The following RABGAP1L variants were observed in gnomAD, a reference collection of about 807,000 sequenced individuals.
The protein encoded by RABGAP1L is rab GTPase-activating protein 1-like.
In RABGAP1L, 63 loss-of-function variants were observed where a neutral mutation model predicts 137.7. That is an observed-to-expected ratio of 0.46 (90% CI 0.37 to 0.56). The LOEUF (loss-of-function observed/expected upper bound fraction) is 0.56. RABGAP1L is among the 20% of genes least tolerant of loss of function. The probability of loss-of-function intolerance (pLI) is 0.00; values close to 1 mark genes in which losing one functional copy is unlikely to be tolerated. For missense variants in RABGAP1L, 1,095 were observed against 1,244.0 expected (o/e 0.88, Z 1.80); for synonymous variants, 431 against 433.7 (o/e 0.99, Z 0.08).
In RABGAP1L at chr1:174,664,195, T is replaced by A. The variant is rs2148427779; in HGVS notation, c.1825-19327T>A. Among the ~76,000 whole-genome samples the A allele has an allele frequency of 1.3e-5, 2 of 152,334 alleles. 1 individual carries two copies. The highest frequency in any genetic ancestry group is 4.1e-4 in the South Asian group (2 of 4,830). On this transcript the variant is annotated intron_variant, in intron 14 of 25. Coordinates refer to ENST00000681986, the MANE Select transcript of RABGAP1L (RefSeq NM_001366446.1). ...GTCTATTATCCCCTAGGTGTAGTAA[T>A]TCAGTGTTTGCTTATTCAGTGTTGG...
intron 14 of RABGAP1L, among the ~76,000 whole-genome samples, chr1:174,639,596 T>C (rs6689170): frequency 0.59 from 90,250 of 151,828 alleles, 29,734 homozygotes; most frequent in African/African-American, 0.9. Flanking sequence ...TGACTTTCCC[T>C]TCAGCTTTTC....
intron 19 of RABGAP1L, chr1:174,874,548 T>C: frequency 2.2e-6 from 2 of 895,236 alleles, no homozygotes; most frequent in Non-Finnish European, 2.7e-6. Context: ...ACCACAGCCC[T>C]TGATCTCAGG....
chr1:174,814,514 G>A (rs2148865691), intron 19 of RABGAP1L, among the ~76,000 whole-genome samples: 1 of 152,250 alleles, frequency 6.6e-6, no homozygotes, highest in East Asian at 1.9e-4. Context: ...CTGGGATTGT[G>A]CTGGGACTAG....
Position 174,159,524 on chromosome 1 carries a change from C to G in RABGAP1L, c.-167C>G, listed in dbSNP as rs1395924898. 6.6e-6 allele frequency: 1 copy of G among 152,320 alleles called. No individual in the cohort carries two copies. Among genetic ancestry groups the G allele is most frequent in the Non-Finnish European group, 1.5e-5 (1 of 68,106 alleles). The allele number at this position is 152,320 out of a possible 1,614,324, so 9.4% of individuals were successfully genotyped here. On this transcript the variant is annotated 5_prime_UTR_variant, in exon 1 of 26. Transcript: ENST00000681986. ...GCCCTTCTCCCCTCCCCTCTCAGTTCCCTCCGCCCTCCTCGGGCTCCAGCG... is the reference window on the plus strand; with the variant it reads ...GCCCTTCTCCCCTCCCCTCTCAGTTGCCTCCGCCCTCCTCGGGCTCCAGCG...
intron 1 of RABGAP1L, among the ~76,000 whole-genome samples, chr1:174,185,958 A>G (rs1666767831): frequency 6.6e-6 from 1 of 152,120 alleles, no homozygotes; most frequent in South Asian, 2.1e-4. Flanking sequence ...AGCCTGACCA[A>G]CATGGAGAAA....
chr1:174,257,729 C>G (rs766608521), intron 7 of RABGAP1L, among the ~76,000 whole-genome samples: 3 of 152,056 alleles, frequency 2.0e-5, no homozygotes, highest in African/African-American at 7.2e-5. Flanking sequence ...ACCAAAAACA[C>G]GAGTACACAT....
intron 1 of RABGAP1L, among the ~76,000 whole-genome samples, chr1:174,180,757 G>A (rs1422085787): frequency 6.6e-6 from 1 of 152,134 alleles, no homozygotes; most frequent in South Asian, 2.1e-4. Flanking sequence ...ATGAGCCACC[G>A]CATCTGGCCA....
chr1:174,892,727 TCTTTC>T, intron 19 of RABGAP1L: 1 of 467,504 alleles, frequency 2.1e-6, no homozygotes, highest in South Asian at 1.6e-5. Context: ...TTCTTTGTTT[TCTTTC>T]TTTTTTTTTT....
At position 174,415,987 on chromosome 1, in the gene RABGAP1L, T is replaced by C. The variant is rs1366083184; in HGVS notation, c.1710+21842T>C. Among the ~76,000 whole-genome samples, 5 of 147,300 alleles carry C rather than the reference T, an allele frequency of 3.4e-5. No homozygotes were observed. The Admixed American group carries it at 3.4e-4, about 10-fold the overall frequency. The stretch of plus-strand genomic sequence containing the variant: ...CATAAACTATACCAGAACCTTAAAT[T>C]AAGTACTTAAGGAATTTCCCTAGAA... On this transcript the variant is annotated intron_variant, in intron 13 of 25. Transcript: ENST00000681986.
At chr1:174,294,579 T>A (rs1185774799) in intron 10 of RABGAP1L, among the ~76,000 whole-genome samples, 1 of 152,186 alleles carries the variant, frequency 6.6e-6, no homozygotes, top group Non-Finnish European at 1.5e-5. Context: ...TCTGAATGAC[T>A]CTAGATTTTT....
At chr1:174,194,938 T>C (rs968457385) in intron 1 of RABGAP1L, among the ~76,000 whole-genome samples, 2 of 152,218 alleles carry the variant, frequency 1.3e-5, no homozygotes, top group East Asian at 3.8e-4. Context: ...ATGGTGTGAA[T>C]TGATTTTATT....
intron 11 of RABGAP1L, among the ~76,000 whole-genome samples, chr1:174,365,484 G>T (rs1347052713): frequency 6.6e-6 from 1 of 151,964 alleles, no homozygotes; most frequent in South Asian, 2.1e-4. Context: ...CAGTGTTGAG[G>T]CTTGCTGAGC....
chr1:174,814,132 A>G (rs993694522), intron 19 of RABGAP1L, among the ~76,000 whole-genome samples: 2 of 152,162 alleles, frequency 1.3e-5, no homozygotes, highest in Non-Finnish European at 2.9e-5. Context: ...GGGATCTGAG[A>G]GATGGAGAAG....
intron 19 of RABGAP1L, among the ~76,000 whole-genome samples, chr1:174,841,197 GA>G (rs1229584159): frequency 6.6e-6 from 1 of 152,010 alleles, no homozygotes; most frequent in East Asian, 1.9e-4. Context: ...TGAAAACTAA[GA>G]ATGTCAAATA....
intron 24 of RABGAP1L, among the ~76,000 whole-genome samples, chr1:174,987,895 C>T (rs1357789912): frequency 1.3e-5 from 2 of 152,082 alleles, no homozygotes; most frequent in Non-Finnish European, 2.9e-5. Context: ...CTGCAAGCTC[C>T]GCCTCCCGGG....
chr1:174,209,632 C>T (rs373756059), intron 1 of RABGAP1L, among the ~76,000 whole-genome samples: 6 of 152,316 alleles, frequency 3.9e-5, no homozygotes, highest in East Asian at 1.9e-4. Flanking sequence ...CCCTGGCTCC[C>T]AGATGACACT....
At chr1:174,696,546 G>A (rs1197814467) in intron 15 of RABGAP1L, among the ~76,000 whole-genome samples, 4 of 152,110 alleles carry the variant, frequency 2.6e-5, no homozygotes, top group African/African-American at 9.7e-5. Context: ...GGACACCAGG[G>A]CACTTTAGTC....
At chr1:174,565,336 C>A (rs1037243679) in intron 13 of RABGAP1L, among the ~76,000 whole-genome samples, 1 of 152,120 alleles carries the variant, frequency 6.6e-6, no homozygotes, top group East Asian at 1.9e-4. Flanking sequence ...AATTAATATA[C>A]GTGGCTGTAC....
chr1:174,852,081 T>C (rs1042032006), intron 19 of RABGAP1L, among the ~76,000 whole-genome samples: 2 of 152,248 alleles, frequency 1.3e-5, no homozygotes, highest in Admixed American at 6.5e-5. Flanking sequence ...TTTCAATTAA[T>C]TCTTTTAATT....
Sources: gnomAD v4.1 joint callset for allele counts (sites outside exome capture counted in the v4.1 genomes callset) on GRCh38, gnomAD v4.1.1 for gene constraint, MANE v1.5 for transcripts, NCBI Gene and HGNC (gene_info 2026-07-23, HGNC 2026-07-21) for gene names.